The following HDAC9 variants were observed in gnomAD, a reference collection of about 807,000 sequenced individuals.
HDAC9 encodes the protein MEF-2 interacting transcription repressor (MITR) protein.
Under a neutral mutation model 139.4 loss-of-function variants are expected in HDAC9, and 41 were observed. The ratio of observed to expected loss-of-function variants is 0.29; its 90% CI spans 0.23 to 0.38. The LOEUF (loss-of-function observed/expected upper bound fraction) is 0.38, where lower values mean the gene tolerates loss of function less well. HDAC9 is among the 10% of genes least tolerant of loss of function. The pLI is 1.00. For missense variants in HDAC9, 1,147 were observed against 1,297.0 expected (o/e 0.88, Z 1.78); for synonymous variants, 517 against 476.2 (o/e 1.09, Z -1.12).
Position 18,439,863 on chromosome 7 carries a change from ATG to A in HDAC9, c.-41-56397_-41-56396del, listed in dbSNP as rs1252405702. ...CACACACAAACACACAAAATGTAAA[ATG>A]TATTTCTATTATGGGTTGTGGTAAA... On this transcript the variant is annotated intron_variant, in intron 1 of 3. Transcript: ENST00000413509. Among the ~76,000 whole-genome samples, 6 of 152,286 alleles carry A rather than the reference ATG, an allele frequency of 3.9e-5. No individual in the cohort carries two copies. The East Asian group carries it at 1.2e-3, about 29-fold the overall frequency.
intron 1 of HDAC9, among the ~76,000 whole-genome samples, chr7:18,435,059 C>CGAAAAAA (rs1554416084): frequency 1.5e-5 from 1 of 67,810 alleles, no homozygotes; most frequent in East Asian, 4.7e-4. Flanking sequence ...ACTACACAGC[C>CGAAAAAA]AAAAAAAAAA....
intron 2 of HDAC9, among the ~76,000 whole-genome samples, chr7:18,566,126 A>G (rs1378437566): frequency 6.6e-6 from 1 of 152,236 alleles, no homozygotes; most frequent in Non-Finnish European, 1.5e-5. Flanking sequence ...AGAAGCAACT[A>G]TTGTAGAAAG....
chr7:18,334,702 A>G (rs1185012595), intron 1 of HDAC9, among the ~76,000 whole-genome samples: 1 of 151,578 alleles, frequency 6.6e-6, no homozygotes, highest in African/African-American at 2.4e-5. Flanking sequence ...AGGAACAAAG[A>G]TAATTGTAAA....
intron 21 of HDAC9, among the ~76,000 whole-genome samples, chr7:18,858,490 T>G (rs753110973): frequency 4.6e-5 from 7 of 152,158 alleles, no homozygotes; most frequent in Non-Finnish European, 7.3e-5. Context: ...CCCCCATGAT[T>G]CAATTATCTC....
chr7:18,515,856 C>T (rs1803015964), intron 2 of HDAC9, among the ~76,000 whole-genome samples: 1 of 152,148 alleles, frequency 6.6e-6, no homozygotes, highest in African/African-American at 2.4e-5. Flanking sequence ...ATTTCAAGTG[C>T]ACATGTGCGT....
intron 1 of HDAC9, among the ~76,000 whole-genome samples, chr7:18,296,738 G>T (rs1415787097): frequency 6.6e-6 from 1 of 152,142 alleles, no homozygotes; most frequent in Non-Finnish European, 1.5e-5. Flanking sequence ...ATGGCTTTGA[G>T]GCTTGGCACC....
Position 18,234,361 on chromosome 7 carries a change from A to G in HDAC9, c.25+72012A>G, listed in dbSNP as rs1474853578. ...GTAGAAGAGAGAATAAGTGTTATAG[A>G]AATCTAGAGAAGGGGTAGGTAGGCT... On this transcript the variant is annotated intron_variant, in intron 2 of 12. Coordinates refer to the HDAC9 transcript ENST00000417496. Among the ~76,000 whole-genome samples, 4 of 152,194 alleles carry G rather than the reference A, an allele frequency of 2.6e-5. No individual in the cohort carries two copies. In the East Asian group the frequency reaches 7.7e-4, roughly 29 times the overall value.
At chr7:18,150,619 A>G (rs1786708477) in intron 1 of HDAC9, among the ~76,000 whole-genome samples, 1 of 152,192 alleles carries the variant, frequency 6.6e-6, no homozygotes, top group African/African-American at 2.4e-5. Context: ...ACTGTGAGCC[A>G]GGTCCCAAAA....
At chr7:18,396,263 C>G (rs574726456) in intron 1 of HDAC9, among the ~76,000 whole-genome samples, 1 of 152,144 alleles carries the variant, frequency 6.6e-6, no homozygotes, top group African/African-American at 2.4e-5. Context: ...CACAAACTCC[C>G]CACTCATACA....
intron 2 of HDAC9, among the ~76,000 whole-genome samples, chr7:18,548,069 C>T (rs1021633887): frequency 6.6e-6 from 1 of 151,938 alleles, no homozygotes; most frequent in African/African-American, 2.4e-5. Context: ...CTTTCTCTTT[C>T]ACTTGAACAC....
intron 22 of HDAC9, among the ~76,000 whole-genome samples, chr7:18,923,791 C>G (rs1803972300): frequency 6.6e-6 from 1 of 152,064 alleles, no homozygotes; most frequent in Non-Finnish European, 1.5e-5. Context: ...TGTCCCACAC[C>G]TCCAACTTGG....
At chr7:18,775,089 T>C (rs2129167194) in intron 16 of HDAC9, among the ~76,000 whole-genome samples, 1 of 152,050 alleles carries the variant, frequency 6.6e-6, no homozygotes, top group Admixed American at 6.6e-5. Context: ...GACTGATCGG[T>C]GGAGCAGAAG....
At chr7:18,245,088 C>G (rs1203462980) in intron 2 of HDAC9, among the ~76,000 whole-genome samples, 2 of 151,832 alleles carry the variant, frequency 1.3e-5, no homozygotes, top group African/African-American at 2.4e-5. Context: ...GTCCTCAGTT[C>G]ATACTGATGT....
chr7:18,392,315 T>TCTCACACA (rs1554402177), intron 1 of HDAC9, among the ~76,000 whole-genome samples: 28 of 119,298 alleles, frequency 2.3e-4, no homozygotes, highest in African/African-American at 3.7e-4. Context: ...TCTCTCTCTC[T>TCTCACACA]CACACACACA....
chr7:18,353,017 T>C (rs1439412331), intron 1 of HDAC9, among the ~76,000 whole-genome samples: 1 of 152,192 alleles, frequency 6.6e-6, no homozygotes, highest in Non-Finnish European at 1.5e-5. Context: ...CTGCTAGTTA[T>C]TGGATTTGTC....
At chr7:18,147,286 A>G (rs145777485) in intron 1 of HDAC9, among the ~76,000 whole-genome samples, 83 of 152,348 alleles carry the variant, frequency 5.4e-4, no homozygotes, top group African/African-American at 1.7e-3. Context: ...CAGACTTAAG[A>G]TGAAATTGCT....
intron 16 of HDAC9, 133 bp from the exon 17 acceptor site, chr7:18,793,212 G>A: frequency 7.5e-6 from 5 of 669,142 alleles, no homozygotes; most frequent in South Asian, 3.4e-5. Context: ...TACCCTGCCA[G>A]CCCTTCCTCA....
intron 2 of HDAC9, among the ~76,000 whole-genome samples, chr7:18,228,866 C>G (rs530816759): frequency 6.6e-6 from 1 of 152,186 alleles, no homozygotes; most frequent in Non-Finnish European, 1.5e-5. Context: ...AAAATGGAAC[C>G]AACATTTCTA....
intron 24 of HDAC9, among the ~76,000 whole-genome samples, chr7:18,962,502 G>C (rs1444015609): frequency 2.0e-5 from 3 of 152,092 alleles, no homozygotes; most frequent in Non-Finnish European, 4.4e-5. Flanking sequence ...ATGAGACACA[G>C]TTTTGGGGGG....
Sources: gnomAD v4.1 joint callset for allele counts (sites outside exome capture counted in the v4.1 genomes callset) on GRCh38, gnomAD v4.1.1 for gene constraint, MANE v1.5 for transcripts, NCBI Gene and HGNC (gene_info 2026-07-23, HGNC 2026-07-21) for gene names.